The following CTNNAL1 variants were observed in gnomAD, a reference collection of about 807,000 sequenced individuals.
The protein encoded by CTNNAL1 is alpha-catulin.
A neutral mutation model predicts 93.6 loss-of-function variants in CTNNAL1; 69 were observed. The ratio of observed to expected loss-of-function variants is 0.74; its 90% CI spans 0.61 to 0.90. The LOEUF (loss-of-function observed/expected upper bound fraction) is 0.90. CTNNAL1 is among the 40% of genes least tolerant of loss of function. The probability of loss-of-function intolerance (pLI) is 0.00; values close to 1 mark genes in which losing one functional copy is unlikely to be tolerated. For missense variants in CTNNAL1, 836 were observed against 862.0 expected (o/e 0.97, Z 0.38); for synonymous variants, 286 against 305.4 (o/e 0.94, Z 0.66).
rs374542453 is a variant in CTNNAL1 at position 108,943,027 on chromosome 9, C to T, written c.2073G>A (p.Thr691=). The T allele has an allele frequency of 5.0e-6, 8 of 1,611,606 alleles. No individual in the cohort carries two copies. Among genetic ancestry groups the T allele is most frequent in the East Asian group, 4.5e-5 (2 of 44,836 alleles). The change falls in exon 18 of 19, where the codon ACG becomes ACA. Residue 691 remains threonine (T), a synonymous_variant. Transcript: ENST00000325551. ...AGAGAGCCATCATGGATCTTGTCTT[C>T]GTAATACACTTGTCAACCTACAATG... ...KVFLKVDKCI[T]KTRSMMALLV... is the part of the protein sequence containing the mutation.
At chr9:108,993,355 G>GC (rs1377656689) in intron 2 of CTNNAL1, among the ~76,000 whole-genome samples, 3 of 152,294 alleles carry the variant, frequency 2.0e-5, no homozygotes, top group Non-Finnish European at 2.9e-5. Context: ...TATAATGGGG[G>GC]CCCGGAAAGA....
intron 4 of CTNNAL1, among the ~76,000 whole-genome samples, chr9:108,987,156 T>C (rs1027099260): frequency 6.6e-6 from 1 of 152,046 alleles, no homozygotes; most frequent in Non-Finnish European, 1.5e-5. Flanking sequence ...GTTTTTATGG[T>C]TTTAGGTCTA....
At chr9:108,959,203 C>CAAA (rs1268509730) in intron 11 of CTNNAL1, among the ~76,000 whole-genome samples, 9 of 137,886 alleles carry the variant, frequency 6.5e-5, no homozygotes, top group African/African-American at 2.1e-4. Context: ...ACTAAAAATA[C>CAAA]AAAAAAAAAA....
Position 108,999,151 on chromosome 9 carries a change from CA to C in CTNNAL1, c.246del (p.Phe82LeufsTer4). On this transcript the variant is annotated frameshift_variant, in exon 2 of 19. Transcript: ENST00000325551. LOFTEE classifies it high-confidence loss of function. ...GQAVNLAVGRFVKVGEAIANE... is the reference protein window; with the variant it reads ...GQAVNLAVGRXVKVGEAIANE... ...TTGGCTATAGCTTCTCCTACTTTAACAAATCTTCCAACTGCCAAGTTGACAG... is the reference window on the plus strand; with the variant it reads ...TTGGCTATAGCTTCTCCTACTTTAACAATCTTCCAACTGCCAAGTTGACAG... 6.2e-7 allele frequency: 1 copy of C among 1,613,870 alleles called. No homozygotes were observed.
intron 1 of CTNNAL1, 147 bp downstream of exon 1, chr9:109,013,155 C>A (rs2132232434): frequency 1.9e-6 from 2 of 1,035,744 alleles, no homozygotes; most frequent in East Asian, 6.6e-5. Context: ...CGTCCCGGAG[C>A]CCCACACAGG....
In CTNNAL1 at chr9:108,947,115, CT is replaced by C. The variant is rs34477684; in HGVS notation, c.1884+1070del. The stretch of plus-strand genomic sequence containing the variant: ...GTGATAAAGTGATAGAAATTTCTTT[CT>C]TTTTTTTTTTTTTTTGAGATGGAGT... On this transcript the variant is annotated intron_variant, in intron 15 of 18. Coordinates refer to ENST00000325551, the MANE Select transcript of CTNNAL1 (RefSeq NM_003798.4). Among the ~76,000 whole-genome samples the C allele has an allele frequency of 1.7e-3, 226 of 136,232 alleles. 1 individual carries two copies. The highest frequency in any genetic ancestry group is 2.2e-3 in the African/African-American group (80 of 37,016). 89.4% of individuals were successfully genotyped at this position (136,232 alleles called of 152,430 possible).
In CTNNAL1 at chr9:108,943,784, C is replaced by T. The variant is rs780120157; in HGVS notation, c.1974G>A (p.Leu658=). The change falls in exon 17 of 19, where the codon CTG becomes CTA. Residue 658 remains leucine (L), a synonymous_variant. Coordinates refer to ENST00000325551, the MANE Select transcript of CTNNAL1 (RefSeq NM_003798.4). The stretch of plus-strand genomic sequence containing the variant: ...ATAGAGGAATTAGCTTGTTTATTTC[C>T]AGGAGAAGCATAAGCTTGTCATCGT... ...LKDDDKLMLL[L]EINKLIPLCH... is the part of the protein sequence containing the mutation. The T allele has an allele frequency of 6.8e-6, 11 of 1,613,478 alleles. No homozygotes were observed. Among genetic ancestry groups the T allele is most frequent in the Non-Finnish European group, 9.3e-6 (11 of 1,179,820 alleles).
At chr9:108,999,298 TTC>T (rs746767132) in intron 1 of CTNNAL1, 42 bp from the exon 2 acceptor site, 3 of 1,549,466 alleles carry the variant, frequency 1.9e-6, no homozygotes, top group South Asian at 2.5e-5. Flanking sequence ...TCAATACCTT[TTC>T]TTTTTTAAGC....
chr9:108,963,226 T>G (rs1830865308), intron 11 of CTNNAL1, among the ~76,000 whole-genome samples: 1 of 152,132 alleles, frequency 6.6e-6, no homozygotes. Flanking sequence ...CTGTTATAAC[T>G]CCTCTTCTTA....
At chr9:108,969,664 TC>T (rs977048003) in intron 10 of CTNNAL1, among the ~76,000 whole-genome samples, 3 of 152,116 alleles carry the variant, frequency 2.0e-5, no homozygotes, top group Non-Finnish European at 4.4e-5. Flanking sequence ...GATCTTTTTT[TC>T]CCCCAGATAT....
chr9:108,999,133 T>C lies in CTNNAL1; in HGVS notation c.265A>G (p.Ile89Val), dbSNP rs751084523. 4 of 1,613,762 alleles carry C rather than the reference T, an allele frequency of 2.5e-6. No homozygotes were observed. The highest frequency in any genetic ancestry group is 1.3e-5 in the African/African-American group (1 of 75,050). ...VGRFVKVGEA[I>V]ANENWDLKEE... ...TTCAAATCCCAGTTTTCATTGGCTA[T>C]AGCTTCTCCTACTTTAACAAATCTT... The change falls in exon 2 of 19, where the codon ATA (isoleucine) becomes GTA (valine). Residue 89 changes from isoleucine (I) to valine (V), a missense_variant. By Grantham distance (29) the Ile-to-Val change is conservative (BLOSUM62 3). Transcript: ENST00000325551.
At chr9:108,972,902 C>T in intron 8 of CTNNAL1, 69 bp from the exon 9 acceptor site, 1 of 1,450,252 alleles carries the variant, frequency 6.9e-7, no homozygotes, top group Non-Finnish European at 9.1e-7. Flanking sequence ...GGAAAGAAAA[C>T]AAACAATAAC....
At chr9:108,970,338 A>G (rs1256809464) in intron 10 of CTNNAL1, 64 bp downstream of exon 10, 11 of 1,433,080 alleles carry the variant, frequency 7.7e-6, no homozygotes, top group African/African-American at 5.8e-5. Flanking sequence ...CCTTCCATCC[A>G]CACAACTTGT....
At chr9:108,943,582 A>C in intron 17 of CTNNAL1, 121 bp downstream of exon 17, 1 of 729,464 alleles carries the variant, frequency 1.4e-6, no homozygotes, top group Non-Finnish European at 2.2e-6. Context: ...ATTCTTGTAG[A>C]CAAGGCATGA....
intron 14 of CTNNAL1, 69 bp from the exon 15 acceptor site, chr9:108,948,303 A>G (rs1191901894): frequency 6.9e-7 from 1 of 1,445,712 alleles, no homozygotes; most frequent in Non-Finnish European, 9.4e-7. Context: ...TATAATATTA[A>G]AATTTTAGAG....
chr9:109,004,776 ACT>A, intron 1 of CTNNAL1, among the ~76,000 whole-genome samples: 1 of 151,606 alleles, frequency 6.6e-6, no homozygotes, highest in Non-Finnish European at 1.5e-5. Context: ...ACAGAGCGAG[ACT>A]CTGTCTTGAA....
chr9:108,991,600 T>G (rs1044214118), intron 3 of CTNNAL1, among the ~76,000 whole-genome samples: 1 of 152,204 alleles, frequency 6.6e-6, no homozygotes. Flanking sequence ...GATGAATATT[T>G]GGCATGTTAA....
intron 1 of CTNNAL1, among the ~76,000 whole-genome samples, chr9:109,004,711 G>A (rs1009530376): frequency 2.0e-5 from 3 of 151,992 alleles, no homozygotes; most frequent in Admixed American, 1.3e-4. Flanking sequence ...GCTTGAACCT[G>A]GGAGGCAGAG....
chr9:109,009,579 C>A (rs1424433137), intron 1 of CTNNAL1, among the ~76,000 whole-genome samples: 1 of 152,112 alleles, frequency 6.6e-6, no homozygotes, highest in Non-Finnish European at 1.5e-5. Flanking sequence ...TGTTCTGATA[C>A]CCACATTGTC....
Sources: gnomAD v4.1 joint callset for allele counts (sites outside exome capture counted in the v4.1 genomes callset) on GRCh38, gnomAD v4.1.1 for gene constraint, MANE v1.5 for transcripts, NCBI Gene and HGNC (gene_info 2026-07-23, HGNC 2026-07-21) for gene names.